The following RASGRF1 variants were observed in gnomAD, a reference collection of about 807,000 sequenced individuals.
RASGRF1 encodes Ras protein specific guanine nucleotide releasing factor 1.
In RASGRF1, 40 loss-of-function variants were observed where a neutral mutation model predicts 138.7. The ratio of observed to expected loss-of-function variants is 0.29; its 90% CI spans 0.22 to 0.38. The LOEUF (loss-of-function observed/expected upper bound fraction) is 0.38, where lower values mean the gene tolerates loss of function less well. Ranked by LOEUF, RASGRF1 falls within the 10% of genes least tolerant of loss-of-function variation. RASGRF1 has a pLI of 1.00. For synonymous variants in RASGRF1, 614 were observed against 663.2 expected (o/e 0.93, Z 1.14); for missense variants, 1,108 against 1,650.4 (o/e 0.67, Z 5.69).
At chr15:78,979,256 TGGCAAAGGACAGACCAAATGC>T in intron 24 of RASGRF1, 14 of 1,174,298 alleles carry the variant, frequency 1.2e-5, no homozygotes, top group Non-Finnish European at 1.5e-5. Flanking sequence ...CACACAGAGC[TGGCAAAGGACAGACCAAATGC>T]GGCAGGAAGA....
chr15:79,087,771 GC>G (rs2141115199), intron 1 of RASGRF1, among the ~76,000 whole-genome samples: 1 of 152,376 alleles, frequency 6.6e-6, no homozygotes, highest in Non-Finnish European at 1.5e-5. Context: ...CACATGTGTA[GC>G]CGGAAGGAGC....
In RASGRF1 at chr15:78,962,108, T is replaced by A. The variant is rs994366876; in HGVS notation, c.*36A>T. 6.0e-6 allele frequency: 8 copies of A among 1,324,976 alleles called. No individual in the cohort carries two copies. Among genetic ancestry groups the A allele is most frequent in the Non-Finnish European group, 8.6e-6 (8 of 935,208 alleles). 82.1% of individuals were successfully genotyped at this position (1,324,976 alleles called of 1,614,324 possible). ...TATGTACAGTATCATCTAGCACATG[T>A]CCCCGGGAGCAGCTGGGTCTGGGCT... On this transcript the variant is annotated 3_prime_UTR_variant, in exon 27 of 27. Coordinates refer to ENST00000558480, the MANE Select transcript of RASGRF1 (RefSeq NM_001145648.3).
intron 1 of RASGRF1, among the ~76,000 whole-genome samples, chr15:79,080,264 C>G (rs1027050127): frequency 6.6e-6 from 1 of 152,230 alleles, no homozygotes; most frequent in African/African-American, 2.4e-5. Context: ...CCCTCCAACT[C>G]CAATTCCTTG....
At chr15:79,051,731 T>C (rs74518012) in intron 3 of RASGRF1, among the ~76,000 whole-genome samples, 8,019 of 152,222 alleles carry the variant, frequency 0.053, 302 homozygotes, top group Middle Eastern at 0.088. Flanking sequence ...TGCAATTAGG[T>C]CAGGCACCAT....
At chr15:79,055,862 T>C (rs1053413643) in intron 3 of RASGRF1, among the ~76,000 whole-genome samples, 1 of 151,802 alleles carries the variant, frequency 6.6e-6, no homozygotes, top group Non-Finnish European at 1.5e-5. Context: ...CCACCGAGCC[T>C]GACAACCGTC....
chr15:78,986,677 A>G (rs1483024152), intron 22 of RASGRF1, among the ~76,000 whole-genome samples: 2 of 152,146 alleles, frequency 1.3e-5, no homozygotes, highest in Non-Finnish European at 2.9e-5. Context: ...TTAAAATAAA[A>G]AGTTAAAAAA....
chr15:79,052,824 G>A (rs922740353), intron 3 of RASGRF1, among the ~76,000 whole-genome samples: 2 of 152,208 alleles, frequency 1.3e-5, no homozygotes, highest in African/African-American at 4.8e-5. Context: ...GGGATGGCAG[G>A]AGAGATGGGG....
chr15:79,052,895 G>C (rs1288154598), intron 3 of RASGRF1, among the ~76,000 whole-genome samples: 1 of 152,102 alleles, frequency 6.6e-6, no homozygotes, highest in African/African-American at 2.4e-5. Flanking sequence ...AAGGACCAAG[G>C]CCACCCTCCC....
At chr15:79,034,921 A>G (rs185638608) in intron 6 of RASGRF1, among the ~76,000 whole-genome samples, 1 of 152,382 alleles carries the variant, frequency 6.6e-6, no homozygotes, top group East Asian at 1.9e-4. Context: ...AAAAGGGGAA[A>G]GTGGATAGGA....
intron 1 of RASGRF1, among the ~76,000 whole-genome samples, chr15:79,071,032 C>T (rs781050864): frequency 1.2e-4 from 19 of 152,228 alleles, no homozygotes; most frequent in Non-Finnish European, 2.2e-4. Context: ...TCTCCAGCCC[C>T]GGGAGAGCAG....
chr15:78,999,632 G>A (rs2056474465), intron 17 of RASGRF1, 111 bp downstream of exon 17: 1 of 1,363,520 alleles, frequency 7.3e-7, no homozygotes, highest in African/African-American at 1.4e-5. Flanking sequence ...GCCATCCTTA[G>A]CACACCTTAA....
At chr15:79,012,603 T>G in intron 13 of RASGRF1, 1 of 1,564,782 alleles carries the variant, frequency 6.4e-7, no homozygotes, top group Non-Finnish European at 8.7e-7. Flanking sequence ...GACATTCCAT[T>G]CACTTTATCA....
chr15:78,985,228 G>A (rs1258213636), intron 22 of RASGRF1, 24 bp from the exon 23 acceptor site: 19 of 1,532,350 alleles, frequency 1.2e-5, no homozygotes, highest in Middle Eastern at 1.7e-4. Context: ...CAATAAGACA[G>A]GGAAAAAGAG....
intron 3 of RASGRF1, among the ~76,000 whole-genome samples, chr15:79,051,748 T>C (rs1567581472): frequency 6.6e-6 from 1 of 152,140 alleles, no homozygotes; most frequent in Non-Finnish European, 1.5e-5. Flanking sequence ...CCATCCTACA[T>C]GCGCAGGCAA....
rs550158201 is a variant in RASGRF1, at chr15:78,978,457, T to G, written c.3494+2163A>C. The G allele has an allele frequency of 5.5e-6, 5 of 910,350 alleles. No homozygotes were observed. The African/African-American group carries it at 9.0e-5, about 16-fold the overall frequency. The allele number at this position is 910,350 out of a possible 1,614,324, so 56.4% of individuals were successfully genotyped here. ...CAAGGTTGGTTTCTAGCTCCTGACC[T>G]CAAGTGATCTGCCCACCTCGGCCTC... On this transcript the variant is annotated intron_variant, in intron 24 of 26. Coordinates refer to ENST00000558480, the MANE Select transcript of RASGRF1 (RefSeq NM_001145648.3).
rs565579059 is a variant in RASGRF1 at position 79,055,750 on chromosome 15, A to G, written c.531+2584T>C. 2.1e-3 allele frequency among the ~76,000 whole-genome samples: 325 copies of G among 152,076 alleles called. 2 individuals are homozygous for G. The highest frequency in any genetic ancestry group is 7.6e-3 in the African/African-American group (315 of 41,472). On this transcript the variant is annotated intron_variant, in intron 3 of 26. Coordinates refer to ENST00000558480, the MANE Select transcript of RASGRF1 (RefSeq NM_001145648.3). Reference sequence around the variant, plus strand: ...ACACCTCCCAGGCTATCAAACAACCAATTTCCTGACTTGGGTTCACAGCGC... The same window carrying G: ...ACACCTCCCAGGCTATCAAACAACCGATTTCCTGACTTGGGTTCACAGCGC...
intron 10 of RASGRF1, among the ~76,000 whole-genome samples, chr15:79,023,194 C>T (rs2056987957): frequency 6.7e-6 from 1 of 150,262 alleles, no homozygotes; most frequent in African/African-American, 2.4e-5. Context: ...AAAAAAAGCA[C>T]CTTCTGGCCC....
rs565335062 is a variant in RASGRF1 at position 78,999,265 on chromosome 15, T to C, written c.2747-440A>G. On this transcript the variant is annotated intron_variant, in intron 17 of 26. Coordinates refer to ENST00000558480, the MANE Select transcript of RASGRF1 (RefSeq NM_001145648.3). The stretch of plus-strand genomic sequence containing the variant: ...AAGCTGGCCAAGTAGCAAAGGGCGA[T>C]GGGTGGGAAGGAAGGGGCCTCCAGG... Among the ~76,000 whole-genome samples the C allele has an allele frequency of 1.6e-3, 237 of 151,776 alleles. 1 individual carries two copies. Among genetic ancestry groups the C allele is most frequent in the Non-Finnish European group, 4.0e-4 (27 of 67,920 alleles).
In RASGRF1 at chr15:78,961,618, C is replaced by A. The variant is rs2055545004; in HGVS notation, c.*526G>T. Reference sequence around the variant, plus strand: ...GGGAGACACATGGGGAGTTTTGAGACCTGCGATTTTGGCTGGAGAAGCTGC... The same window carrying A: ...GGGAGACACATGGGGAGTTTTGAGAACTGCGATTTTGGCTGGAGAAGCTGC... On this transcript the variant is annotated 3_prime_UTR_variant, in exon 27 of 27. Coordinates refer to ENST00000558480, the MANE Select transcript of RASGRF1 (RefSeq NM_001145648.3). 6.5e-6 allele frequency: 1 copy of A among 154,474 alleles called. No individual in the cohort carries two copies. The highest frequency in any genetic ancestry group is 1.4e-5 in the Non-Finnish European group (1 of 69,644). 9.6% of individuals were successfully genotyped at this position (154,474 alleles called of 1,614,324 possible).
Sources: allele counts gnomAD v4.1 joint callset (sites outside exome capture counted in the v4.1 genomes callset), GRCh38; gene constraint gnomAD v4.1.1; transcripts MANE v1.5; gene names NCBI Gene and HGNC (gene_info 2026-07-23, HGNC 2026-07-21).